The following PLCE1 variants were observed in gnomAD, a reference collection of about 807,000 sequenced individuals.
The protein encoded by PLCE1 is phospholipase C epsilon 1, also known as 1-phosphatidylinositol 4,5-bisphosphate phosphodiesterase epsilon-1.
A neutral mutation model predicts 242.8 loss-of-function variants in PLCE1; 119 were observed. The observed-to-expected ratio is 0.49, with a 90% CI of 0.42 to 0.57. The LOEUF (loss-of-function observed/expected upper bound fraction) is 0.57. Ranked by LOEUF, PLCE1 falls within the 20% of genes least tolerant of loss-of-function variation. PLCE1 has a pLI of 0.00. For synonymous variants in PLCE1, 945 were observed against 1,017.4 expected, an observed-to-expected ratio of 0.93 and a Z score of 1.35; for missense variants, 2,441 against 2,788.8, an observed-to-expected ratio of 0.88 and a Z score of 2.81.
At chr10:94,324,254 C>A in intron 30 of PLCE1, 95 bp from the exon 31 acceptor site, 1 of 953,214 alleles carries the variant, frequency 1.0e-6, no homozygotes, top group Non-Finnish European at 1.7e-6. Context: ...CATCTCTAGT[C>A]TGGGCCATTT....
At chr10:94,140,276 G>A (rs1052307165) in intron 3 of PLCE1, among the ~76,000 whole-genome samples, 9 of 151,752 alleles carry the variant, frequency 5.9e-5, no homozygotes, top group African/African-American at 2.2e-4. Context: ...AGATAGAAAA[G>A]TCTACCAGCA....
intron 1 of PLCE1, among the ~76,000 whole-genome samples, chr10:94,009,454 T>A (rs79075989): frequency 0.031 from 4,653 of 152,302 alleles, 209 homozygotes; most frequent in African/African-American, 0.1. Flanking sequence ...TATGTCATTC[T>A]GCCCTTGGCC....
chr10:94,325,101 C>G lies in PLCE1; in HGVS notation c.*21C>G, dbSNP rs750278300. 6.2e-7 allele frequency: 1 copy of G among 1,607,776 alleles called. No homozygotes were observed. Among genetic ancestry groups the G allele is most frequent in the African/African-American group, 1.3e-5 (1 of 74,704 alleles). On this transcript the variant is annotated 3_prime_UTR_variant, in exon 32 of 33. Coordinates refer to ENST00000371380, the MANE Select transcript of PLCE1 (RefSeq NM_016341.4). ...AGTGACTAAGGGCAGCATGTTTAAC[C>G]CAGGTATAGTAAGTCATTGCACCAT...
chr10:94,254,354 T>TG lies in PLCE1; in HGVS notation c.3397+50dup, dbSNP rs1466949086. The TG allele has an allele frequency of 6.1e-6, 8 of 1,319,150 alleles. No individual in the cohort carries two copies. In the Admixed American group the frequency reaches 1.2e-4, roughly 19 times the overall value. The allele number at this position is 1,319,150 out of a possible 1,614,324, so 81.7% of individuals were successfully genotyped here. A position where few individuals can be genotyped will look rare whatever the true frequency, so the allele number is the denominator to read the frequency against. Reference sequence around the variant, plus strand: ...TGAGATTTTTGTTTTTTAATTTTTGTGGGAAAAAAAGTATACATTTGGTTT... The same window carrying TG: ...TGAGATTTTTGTTTTTTAATTTTTGTGGGGAAAAAAAGTATACATTTGGTTT... On this transcript the variant is annotated intron_variant, in intron 10 of 32. Transcript: ENST00000371380.
chr10:94,032,077 C>A lies in PLCE1; in HGVS notation c.1031C>A (p.Thr344Lys). Residue 344 changes from threonine to lysine, a missense_variant, in exon 2 of 33, where the codon ACA (threonine) becomes AAA (lysine). By Grantham distance (78) the Thr-to-Lys change is moderately conservative (BLOSUM62 -1). This residue lies in a region of PLCE1 where 733 missense variants were observed against 754.2 expected (regional missense o/e 0.97). Transcript: ENST00000371380. ...GTTAAGAAATCTGTGTATACTGGAA[C>A]AAGAGCAATTGTGAGAACTCTGCCT... is the stretch of plus-strand genomic sequence containing the variant. Reference protein sequence around the residue: ...REVKKSVYTGTRAIVRTLPSG... With the variant: ...REVKKSVYTGKRAIVRTLPSG... 1 of 1,612,398 alleles carries A rather than the reference C, an allele frequency of 6.2e-7. No homozygotes were observed. The highest frequency in any genetic ancestry group is 8.5e-7 in the Non-Finnish European group (1 of 1,179,398).
intron 2 of PLCE1, among the ~76,000 whole-genome samples, chr10:94,090,775 A>T (rs988966044): frequency 6.6e-6 from 1 of 152,198 alleles, no homozygotes; most frequent in African/African-American, 2.4e-5. Context: ...TTTTGGAAAC[A>T]GACTGGCAGC....
intron 4 of PLCE1, among the ~76,000 whole-genome samples, chr10:94,182,415 A>G (rs982751461): frequency 4.7e-5 from 7 of 149,430 alleles, no homozygotes; most frequent in African/African-American, 1.5e-4. Context: ...ACAGATGTGC[A>G]CCACCACCCT....
At chr10:94,248,768 A>C (rs181187015) in intron 8 of PLCE1, among the ~76,000 whole-genome samples, 1 of 152,152 alleles carries the variant, frequency 6.6e-6, no homozygotes, top group African/African-American at 2.4e-5. Context: ...TCAAATATGG[A>C]CATAGACCAG....
At chr10:94,016,322 T>G (rs938458190) in intron 1 of PLCE1, among the ~76,000 whole-genome samples, 4 of 152,086 alleles carry the variant, frequency 2.6e-5, no homozygotes, top group Non-Finnish European at 5.9e-5. Flanking sequence ...ATTTTGGACT[T>G]TTTTGTATTT....
intron 3 of PLCE1, among the ~76,000 whole-genome samples, chr10:94,164,384 C>T (rs964887873): frequency 2.2e-4 from 34 of 152,164 alleles, no homozygotes; most frequent in East Asian, 1.9e-4. Context: ...ATTCTCTTCT[C>T]GCTTGATTTC....
At chr10:94,138,334 G>T in intron 3 of PLCE1, 1 of 382,404 alleles carries the variant, frequency 2.6e-6, no homozygotes, top group African/African-American at 2.1e-5. Context: ...CCACAGACTG[G>T]GTCATGACTG....
At chr10:94,290,965 G>A (rs561318448) in intron 22 of PLCE1, among the ~76,000 whole-genome samples, 2 of 152,208 alleles carry the variant, frequency 1.3e-5, no homozygotes, top group South Asian at 4.2e-4. Context: ...GAATTTCTCA[G>A]CTCCAGTACA....
At chr10:94,310,818 C>T (rs1184797689) in intron 27 of PLCE1, among the ~76,000 whole-genome samples, 2 of 152,164 alleles carry the variant, frequency 1.3e-5, no homozygotes, top group Non-Finnish European at 2.9e-5. Flanking sequence ...TCAATTCTAA[C>T]ACTATCCATC....
chr10:94,000,143 C>T (rs985224109), intron 1 of PLCE1, among the ~76,000 whole-genome samples: 1 of 152,114 alleles, frequency 6.6e-6, no homozygotes, highest in Non-Finnish European at 1.5e-5. Flanking sequence ...TATACTGGGG[C>T]TCTGTTTGAG....
At chr10:94,186,125 C>G (rs2048469129) in intron 4 of PLCE1, among the ~76,000 whole-genome samples, 2 of 152,216 alleles carry the variant, frequency 1.3e-5, no homozygotes, top group South Asian at 4.1e-4. Context: ...GTTTGGTTCT[C>G]TTGAGGCTGG....
At chr10:94,162,154 G>A (rs1164042837) in intron 3 of PLCE1, among the ~76,000 whole-genome samples, 1 of 152,168 alleles carries the variant, frequency 6.6e-6, no homozygotes, top group Non-Finnish European at 1.5e-5. Context: ...TTGGTATCAG[G>A]ATGATGCTGG....
At chr10:94,107,542 G>T (rs2135573519) in intron 2 of PLCE1, 1 of 152,286 alleles carries the variant, frequency 6.6e-6, no homozygotes, top group East Asian at 1.9e-4. Flanking sequence ...AAGGTAGTAA[G>T]TAGTACTTCC....
intron 3 of PLCE1, among the ~76,000 whole-genome samples, chr10:94,142,219 A>G (rs1203046808): frequency 6.6e-6 from 1 of 152,156 alleles, no homozygotes; most frequent in African/African-American, 2.4e-5. Context: ...AATAAGTGTG[A>G]CAATGTATAT....
At chr10:94,079,537 G>T (rs748090609) in intron 2 of PLCE1, among the ~76,000 whole-genome samples, 1 of 152,018 alleles carries the variant, frequency 6.6e-6, no homozygotes, top group Non-Finnish European at 1.5e-5. Context: ...ACCATGGCAC[G>T]TGTATACCTA....
Sources: gnomAD v4.1 joint callset for allele counts (sites outside exome capture counted in the v4.1 genomes callset) on GRCh38, gnomAD v4.1.1 for gene constraint, gnomAD v4.1.1 regional missense constraint, MANE v1.5 for transcripts, NCBI Gene and HGNC (gene_info 2026-07-23, HGNC 2026-07-21) for gene names.